BEND7: variants seen among roughly 807,000 people sequenced by gnomAD.
BEND7 encodes the protein BEN domain-containing protein 7.
In BEND7, 28 loss-of-function variants were observed where a neutral mutation model predicts 50.9. The observed-to-expected ratio is 0.55, with a 90% CI of 0.41 to 0.75. The LOEUF is 0.75. Ranked by LOEUF, BEND7 falls within the 30% of genes least tolerant of loss-of-function variation. The pLI is 0.00. For synonymous variants in BEND7, 170 were observed against 183.9 expected (o/e 0.92, Z 0.61); for missense variants, 477 against 491.3 (o/e 0.97, Z 0.28).
At chr10:13,524,791 G>A (rs2079335466) in intron 2 of BEND7, among the ~76,000 whole-genome samples, 1 of 152,128 alleles carries the variant, frequency 6.6e-6, no homozygotes, top group Admixed American at 6.6e-5. Context: ...CAGTAAACAG[G>A]TACTGGGAGC....
intron 1 of BEND7, among the ~76,000 whole-genome samples, chr10:13,526,472 G>A (rs1388957893): frequency 2.6e-5 from 4 of 152,134 alleles, no homozygotes; most frequent in African/African-American, 9.7e-5. Context: ...CCATGTTCAC[G>A]GTAAATTGTA....
intron 6 of BEND7, among the ~76,000 whole-genome samples, chr10:13,464,051 T>C (rs2131331760): frequency 6.6e-6 from 1 of 152,320 alleles, no homozygotes; most frequent in Admixed American, 6.5e-5. Flanking sequence ...TGCGGGAAAG[T>C]GGGATTTCTT....
At position 13,509,470 on chromosome 10, in the gene BEND7, A is replaced by G. The variant is rs903664930; in HGVS notation, c.146-9390T>C. On this transcript the variant is annotated intron_variant, in intron 2 of 8. Transcript: ENST00000466271. ...GTGCCTGTGAGTCAGGCTCTTCAGC[A>G]TCGCCAGCTACACTTCCCAGGAGCA... Among the ~76,000 whole-genome samples the G allele has an allele frequency of 2.0e-5, 3 of 152,214 alleles. No individual in the cohort carries two copies. The East Asian group carries it at 5.8e-4, about 29-fold the overall frequency.
Position 13,441,495 on chromosome 10 carries a change from C to A in BEND7, c.*248G>T. The stretch of plus-strand genomic sequence containing the variant: ...TCCACCCGTCCTCAAGTGCTGAACA[C>A]CCCAAGCTGTGGCCCCGCCTTGGAA... On this transcript the variant is annotated 3_prime_UTR_variant, in exon 9 of 9. Coordinates refer to ENST00000466271, the MANE Select transcript of BEND7 (RefSeq NM_001369863.1). The A allele has an allele frequency of 7.3e-7, 1 of 1,363,316 alleles. No homozygotes were observed. The highest frequency in any genetic ancestry group is 9.4e-7 in the Non-Finnish European group (1 of 1,060,690). 84.5% of individuals were successfully genotyped at this position (1,363,316 alleles called of 1,614,324 possible). A position where few individuals can be genotyped will look rare whatever the true frequency, so the allele number is the denominator to read the frequency against.
At chr10:13,527,483 T>G (rs1023472578) in intron 1 of BEND7, among the ~76,000 whole-genome samples, 1 of 152,234 alleles carries the variant, frequency 6.6e-6, no homozygotes, top group African/African-American at 2.4e-5. Flanking sequence ...ACACGTGACT[T>G]CTGCAGGTTG....
intron 6 of BEND7, among the ~76,000 whole-genome samples, chr10:13,455,215 A>G (rs1564520188): frequency 6.6e-6 from 1 of 152,052 alleles, no homozygotes; most frequent in African/African-American, 2.4e-5. Flanking sequence ...ACAGTGAGAG[A>G]GAGAACGTTC....
chr10:13,509,422 G>T (rs1814467925), intron 2 of BEND7, among the ~76,000 whole-genome samples: 2 of 152,252 alleles, frequency 1.3e-5, no homozygotes. Flanking sequence ...GGGTGGGCTG[G>T]TCCATCCCAG....
chr10:13,484,981 G>A lies in BEND7; in HGVS notation c.838-3857C>T, dbSNP rs566837322. Among the ~76,000 whole-genome samples, 3 of 152,250 alleles carry A rather than the reference G, an allele frequency of 2.0e-5. No homozygotes were observed. In the South Asian group the frequency reaches 6.2e-4, roughly 32 times the overall value. ...TGGATCCAGGCCTGTGGACTTTCACGAATTTGTTTCTTTGCATTTCAACTG... is the reference window on the plus strand; with the variant it reads ...TGGATCCAGGCCTGTGGACTTTCACAAATTTGTTTCTTTGCATTTCAACTG... On this transcript the variant is annotated intron_variant, in intron 5 of 8. Coordinates refer to ENST00000466271, the MANE Select transcript of BEND7 (RefSeq NM_001369863.1).
intron 5 of BEND7, among the ~76,000 whole-genome samples, chr10:13,488,976 A>G (rs1349523806): frequency 6.6e-5 from 10 of 152,232 alleles, no homozygotes; most frequent in Admixed American, 6.5e-4. Context: ...ATAGATATAG[A>G]TAAGTTTTAT....
intron 2 of BEND7, among the ~76,000 whole-genome samples, chr10:13,502,374 T>C (rs1173983734): frequency 6.6e-6 from 1 of 152,194 alleles, no homozygotes; most frequent in African/African-American, 2.4e-5. Context: ...CTATGTGTTG[T>C]TGGCATATGC....
In BEND7 at chr10:13,441,494, A is replaced by T; in HGVS notation, c.*249T>A. On this transcript the variant is annotated 3_prime_UTR_variant, in exon 9 of 9. Transcript: ENST00000466271. ...CTCCACCCGTCCTCAAGTGCTGAAC[A>T]CCCCAAGCTGTGGCCCCGCCTTGGA... is the stretch of plus-strand genomic sequence containing the variant. 7.5e-7 allele frequency: 1 copy of T among 1,332,552 alleles called. No individual in the cohort carries two copies. Among genetic ancestry groups the T allele is most frequent in the Non-Finnish European group, 9.6e-7 (1 of 1,042,240 alleles). 82.5% of individuals were successfully genotyped at this position (1,332,552 alleles called of 1,614,324 possible).
intron 2 of BEND7, among the ~76,000 whole-genome samples, chr10:13,520,619 A>T (rs950211361): frequency 1.4e-4 from 22 of 152,176 alleles, no homozygotes; most frequent in African/African-American, 5.3e-4. Flanking sequence ...CAAGGTGAAG[A>T]ACTCAGAAGT....
intron 6 of BEND7, among the ~76,000 whole-genome samples, chr10:13,471,914 C>T (rs2074873486): frequency 6.6e-6 from 1 of 152,196 alleles, no homozygotes. Context: ...AGGCCGATAC[C>T]CGTCATCACT....
chr10:13,460,041 C>A (rs768316101), intron 6 of BEND7: 3 of 152,292 alleles, frequency 2.0e-5, no homozygotes, highest in Non-Finnish European at 4.4e-5. Context: ...ATGAGCCGGG[C>A]CCTCTCCTGT....
chr10:13,445,472 T>C (rs990786558), intron 8 of BEND7: 3 of 152,002 alleles, frequency 2.0e-5, no homozygotes, highest in African/African-American at 7.3e-5. Context: ...TGGCTGGGAG[T>C]CGAGGGACCT....
intron 6 of BEND7, among the ~76,000 whole-genome samples, chr10:13,472,390 T>TA (rs2074953482): frequency 6.6e-6 from 1 of 152,076 alleles, no homozygotes; most frequent in African/African-American, 2.4e-5. Context: ...TCATCACTGT[T>TA]AGACTCAGGG....
chr10:13,488,681 G>T (rs1355608953), intron 5 of BEND7, among the ~76,000 whole-genome samples: 1 of 152,104 alleles, frequency 6.6e-6, no homozygotes, highest in African/African-American at 2.4e-5. Context: ...TAGAGACGGG[G>T]TTTCACCATG....
intron 2 of BEND7, among the ~76,000 whole-genome samples, chr10:13,501,771 C>G (rs763962619): frequency 1.3e-5 from 2 of 151,602 alleles, no homozygotes; most frequent in African/African-American, 4.9e-5. Context: ...GCTTGAGCCC[C>G]GGAGGCAGAG....
chr10:13,473,420 G>A lies in BEND7; in HGVS notation c.1063+7479C>T, dbSNP rs540596435. ...CATCATCGCTGTTGGACTCGGGGCC[G>A]ACATCCGTCATCACTGTCAGATTTG... On this transcript the variant is annotated intron_variant, in intron 6 of 8. Transcript: ENST00000466271. Among the ~76,000 whole-genome samples, 93 of 150,202 alleles carry A rather than the reference G, an allele frequency of 6.2e-4. 1 individual carries two copies. The highest frequency in any genetic ancestry group is 7.3e-3 in the Middle Eastern group (2 of 274).
Sources: allele counts gnomAD v4.1 joint callset (sites outside exome capture counted in the v4.1 genomes callset), GRCh38; gene constraint gnomAD v4.1.1; transcripts MANE v1.5; gene names NCBI Gene and HGNC (gene_info 2026-07-23, HGNC 2026-07-21).